Variants in NTRK3 observed in about 807,000 individuals in gnomAD.
NTRK3 encodes the protein neurotrophic receptor tyrosine kinase 3.
In NTRK3, 24 loss-of-function variants were observed where a neutral mutation model predicts 91.7. That is an observed-to-expected ratio of 0.26 (90% CI 0.19 to 0.37). The LOEUF is 0.37. Among genes scored for constraint, NTRK3 ranks in the 10% least tolerant of loss-of-function variants. NTRK3 has a pLI of 1.00. For missense variants in NTRK3, 880 were observed against 1,068.9 expected (o/e 0.82, Z 2.46); for synonymous variants, 483 against 404.0 (o/e 1.20, Z -2.34).
chr15:88,144,520 C>T (rs537041259), intron 6 of NTRK3, among the ~76,000 whole-genome samples: 16 of 152,196 alleles, frequency 1.1e-4, no homozygotes, highest in Admixed American at 2.6e-4. Flanking sequence ...AAGGAGAGGC[C>T]GAGCATGTAG....
chr15:88,052,961 T>G (rs1231163484), intron 13 of NTRK3, among the ~76,000 whole-genome samples: 1 of 152,194 alleles, frequency 6.6e-6, no homozygotes, highest in African/African-American at 2.4e-5. Flanking sequence ...GTGGCTTAAC[T>G]TCTTTGAGCC....
chr15:88,112,772 T>C (rs1254047552), intron 13 of NTRK3, among the ~76,000 whole-genome samples: 2 of 152,190 alleles, frequency 1.3e-5, no homozygotes, highest in Non-Finnish European at 2.9e-5. Context: ...GAGCTATTTC[T>C]ATAGCAACAG....
At chr15:88,018,921 C>T in intron 14 of NTRK3, among the ~76,000 whole-genome samples, 1 of 151,996 alleles carries the variant, frequency 6.6e-6, no homozygotes, top group South Asian at 2.1e-4. Context: ...TACTACTCCC[C>T]CTTTTCCCCT....
intron 14 of NTRK3, among the ~76,000 whole-genome samples, chr15:87,954,546 T>C (rs905309431): frequency 6.6e-6 from 1 of 152,126 alleles, no homozygotes; most frequent in Non-Finnish European, 1.5e-5. Context: ...ATCCAAGTTA[T>C]AAAATCAGGA....
At chr15:88,167,125 T>C (rs1418199024) in intron 5 of NTRK3, among the ~76,000 whole-genome samples, 3 of 152,204 alleles carry the variant, frequency 2.0e-5, no homozygotes, top group African/African-American at 7.2e-5. Flanking sequence ...TAATAGAGAT[T>C]TTGAACCTAA....
intron 17 of NTRK3, among the ~76,000 whole-genome samples, chr15:87,926,386 T>C (rs1357064923): frequency 6.6e-6 from 1 of 152,242 alleles, no homozygotes; most frequent in Non-Finnish European, 1.5e-5. Flanking sequence ...GCTGTGTATT[T>C]ACTGTAAGAG....
intron 17 of NTRK3, among the ~76,000 whole-genome samples, chr15:87,901,627 T>C (rs1336416091): frequency 1.3e-5 from 2 of 152,256 alleles, no homozygotes; most frequent in Non-Finnish European, 2.9e-5. Context: ...TGCATGTTTA[T>C]ACTGTGCTAG....
rs138632404 is a variant in NTRK3 at position 88,241,278 on chromosome 15, A to C, written c.248+14628T>G. On this transcript the variant is annotated intron_variant, in intron 3 of 18. Transcript: ENST00000394480. The surrounding 1 kb of genome is among the most constrained non-coding windows in gnomAD (Gnocchi z 4.3). ...GGCAGCAGGGTGGGGCCTCAAGGTCAGAGCATGCCTGCCCAGACAGCAGGC... is the reference window on the plus strand; with the variant it reads ...GGCAGCAGGGTGGGGCCTCAAGGTCCGAGCATGCCTGCCCAGACAGCAGGC... Among the ~76,000 whole-genome samples, 438 of 152,282 alleles carry C rather than the reference A, an allele frequency of 2.9e-3. No homozygotes were observed. The highest frequency in any genetic ancestry group is 9.9e-3 in the African/African-American group (412 of 41,554).
chr15:88,160,246 G>A (rs569160884), intron 5 of NTRK3, among the ~76,000 whole-genome samples: 13 of 152,278 alleles, frequency 8.5e-5, no homozygotes, highest in East Asian at 7.7e-4. Flanking sequence ...GGGAAGAGAC[G>A]AGCACGTAGC....
At chr15:88,068,076 A>G (rs985540565) in intron 13 of NTRK3, among the ~76,000 whole-genome samples, 1 of 152,208 alleles carries the variant, frequency 6.6e-6, no homozygotes, top group Non-Finnish European at 1.5e-5. Context: ...ATGACTAAAC[A>G]TAACTACCTA....
chr15:88,065,397 C>T (rs954743561), intron 13 of NTRK3, among the ~76,000 whole-genome samples: 13 of 152,154 alleles, frequency 8.5e-5, no homozygotes, highest in African/African-American at 3.1e-4. Flanking sequence ...CCTTGAAAAG[C>T]CCATATGGTC....
chr15:87,964,602 A>G (rs1165093650), intron 14 of NTRK3, among the ~76,000 whole-genome samples: 1 of 152,176 alleles, frequency 6.6e-6, no homozygotes, highest in Non-Finnish European at 1.5e-5. Flanking sequence ...GTTTTCAAAC[A>G]TTCATCACCC....
intron 14 of NTRK3, among the ~76,000 whole-genome samples, chr15:87,941,299 T>C (rs964033173): frequency 6.6e-6 from 1 of 152,170 alleles, no homozygotes; most frequent in Non-Finnish European, 1.5e-5. Flanking sequence ...GAAAGTTATT[T>C]AGCTCCAGAG....
At chr15:88,191,656 G>A (rs761412444) in intron 3 of NTRK3, among the ~76,000 whole-genome samples, 2 of 152,228 alleles carry the variant, frequency 1.3e-5, no homozygotes, top group East Asian at 1.9e-4. Flanking sequence ...TTTTGACTCC[G>A]AAGCCTTGTA....
exon 19 of NTRK3, chr15:87,870,477 G>T: frequency 4.8e-6 from 1 of 209,774 alleles, no homozygotes; most frequent in Non-Finnish European, 9.7e-6. Context: ...TACAAATATG[G>T]TGCATACTGC....
rs200530652 is a variant in NTRK3 at position 88,135,089 on chromosome 15, C to A, written c.1204+12G>T. The A allele has an allele frequency of 1.2e-6, 2 of 1,614,130 alleles. No homozygotes were observed. Among genetic ancestry groups the A allele is most frequent in the Non-Finnish European group, 1.7e-6 (2 of 1,179,920 alleles). On this transcript the variant is annotated intron_variant, in intron 10 of 18. Coordinates refer to ENST00000394480, the Ensembl canonical transcript of NTRK3. Reference sequence around the variant, plus strand: ...AATCCATACACCTCCGATCCAGCTACGCTGCCCTCACCTGGAAAGGGCTCC... The same window carrying A: ...AATCCATACACCTCCGATCCAGCTAAGCTGCCCTCACCTGGAAAGGGCTCC...
chr15:87,984,148 T>A (rs958764199), intron 14 of NTRK3, among the ~76,000 whole-genome samples: 2 of 152,164 alleles, frequency 1.3e-5, no homozygotes, highest in African/African-American at 4.8e-5. Context: ...AATATAGTCA[T>A]ACCCTAACCA....
intron 13 of NTRK3, among the ~76,000 whole-genome samples, chr15:88,115,571 G>A (rs1176493826): frequency 6.6e-6 from 1 of 152,220 alleles, no homozygotes; most frequent in Non-Finnish European, 1.5e-5. Context: ...CTGGGAACAG[G>A]TTTGCAGGGC....
rs371360394 is a variant in NTRK3 at position 88,057,217 on chromosome 15, C to A, written c.1397-24172G>T. Among the ~76,000 whole-genome samples, 17 of 148,104 alleles carry A rather than the reference C, an allele frequency of 1.1e-4. 1 individual carries two copies. The highest frequency in any genetic ancestry group is 4.0e-4 in the African/African-American group (16 of 40,072). On this transcript the variant is annotated intron_variant, in intron 13 of 18. Coordinates refer to ENST00000394480, the Ensembl canonical transcript of NTRK3. ...GAAAAAAAGAAATGTGTCCTGAGGG[C>A]TGGGTGCAGTGGCTCACACCTGTAA...
Sources: allele counts gnomAD v4.1 joint callset (sites outside exome capture counted in the v4.1 genomes callset), GRCh38; gene constraint gnomAD v4.1.1; non-coding constraint Gnocchi (gnomAD v3.1); transcripts MANE v1.5; gene names NCBI Gene and HGNC (gene_info 2026-07-23, HGNC 2026-07-21).